The following SPATA6 variants were observed in gnomAD, a reference collection of about 807,000 sequenced individuals.
SPATA6 encodes the protein spermatogenesis associated 6, also known as spermatogenesis-associated protein 6.
Under a neutral mutation model 65.3 loss-of-function variants are expected in SPATA6, and 56 were observed. The observed-to-expected ratio is 0.86, with a 90% CI of 0.69 to 1.07. The LOEUF (loss-of-function observed/expected upper bound fraction) is 1.07, where lower values mean the gene tolerates loss of function less well. Ranked by LOEUF, SPATA6 falls within the 50% of genes least tolerant of loss-of-function variation. SPATA6 has a pLI of 0.00. For missense variants in SPATA6, 590 were observed against 594.8 expected (o/e 0.99, Z 0.08); for synonymous variants, 199 against 213.2 (o/e 0.93, Z 0.58).
At chr1:48,346,131 C>T (rs932178222) in intron 11 of SPATA6, among the ~76,000 whole-genome samples, 1 of 152,086 alleles carries the variant, frequency 6.6e-6, no homozygotes, top group Non-Finnish European at 1.5e-5. Flanking sequence ...GCTTAGCCGC[C>T]ACATTCAAGT....
chr1:48,360,254 AT>A (rs1379075813), intron 9 of SPATA6, among the ~76,000 whole-genome samples: 1 of 151,832 alleles, frequency 6.6e-6, no homozygotes, highest in East Asian at 1.9e-4. Context: ...CTGGTAAAAT[AT>A]ATATTCTAAT....
At chr1:48,389,173 TA>T (rs1236768919) in intron 8 of SPATA6, among the ~76,000 whole-genome samples, 1 of 152,004 alleles carries the variant, frequency 6.6e-6, no homozygotes, top group East Asian at 1.9e-4. Flanking sequence ...GCATCAACAA[TA>T]GACTAAACCA....
chr1:48,286,375 A>G, the SPATA6 span, among the ~76,000 whole-genome samples: 3 of 152,238 alleles, frequency 2.0e-5, no homozygotes, highest in South Asian at 2.1e-4. Context: ...CAGCATTAAA[A>G]TCTTTCATCT....
chr1:48,262,956 G>T, the SPATA6 span: 1 of 151,940 alleles, frequency 6.6e-6, no homozygotes, highest in Non-Finnish European at 1.5e-5. Flanking sequence ...CTAAATAATG[G>T]TGACCATTAT....
intron 1 of SPATA6, among the ~76,000 whole-genome samples, chr1:48,467,863 C>T (rs553977104): frequency 5.3e-5 from 8 of 151,980 alleles, no homozygotes; most frequent in Admixed American, 2.6e-4. Flanking sequence ...CATGTTAGAA[C>T]GACTACTATA....
intron 1 of SPATA6, 128 bp from the exon 2 acceptor site, chr1:48,453,259 AAG>A (rs940732666): frequency 2.1e-5 from 22 of 1,046,238 alleles, no homozygotes; most frequent in African/African-American, 1.5e-4. Context: ...CTCACAAATA[AAG>A]AGAGAGAGAC....
chr1:48,394,408 A>G (rs1355418436), intron 8 of SPATA6, among the ~76,000 whole-genome samples: 1 of 152,120 alleles, frequency 6.6e-6, no homozygotes, highest in East Asian at 1.9e-4. Context: ...CCATGTCCAT[A>G]AACTTCTTCC....
intron 11 of SPATA6, among the ~76,000 whole-genome samples, chr1:48,327,842 G>T (rs543545302): frequency 6.6e-6 from 1 of 152,230 alleles, no homozygotes; most frequent in South Asian, 2.1e-4. Context: ...GCAAATATGG[G>T]TTGAAACATT....
At chr1:48,283,809 G>A in the SPATA6 span, among the ~76,000 whole-genome samples, 2 of 152,048 alleles carry the variant, frequency 1.3e-5, no homozygotes, top group Admixed American at 1.3e-4. Context: ...CTGTTATTCT[G>A]ATGGGCTTCC....
At chr1:48,300,986 C>A (rs1644923729) in intron 12 of SPATA6, among the ~76,000 whole-genome samples, 1 of 151,878 alleles carries the variant, frequency 6.6e-6, no homozygotes, top group African/African-American at 2.4e-5. Flanking sequence ...TGAAACAGGA[C>A]AAAGATGCCC....
At chr1:48,365,082 C>A (rs1470180620) in intron 9 of SPATA6, among the ~76,000 whole-genome samples, 1 of 152,184 alleles carries the variant, frequency 6.6e-6, no homozygotes, top group Non-Finnish European at 1.5e-5. Flanking sequence ...TTGTTTTTCT[C>A]AGGTTTGTCA....
At chr1:48,307,446 C>T (rs1211679363) in intron 11 of SPATA6, among the ~76,000 whole-genome samples, 1 of 149,144 alleles carries the variant, frequency 6.7e-6, no homozygotes, top group Non-Finnish European at 1.5e-5. Flanking sequence ...TATACAAGGA[C>T]CCATCTTTTG....
chr1:48,375,952 T>A (rs968631735), intron 9 of SPATA6, among the ~76,000 whole-genome samples: 3 of 152,194 alleles, frequency 2.0e-5, no homozygotes, highest in Non-Finnish European at 4.4e-5. Flanking sequence ...CTAATTGCTA[T>A]GACAAAATTT....
At chr1:48,378,548 T>C (rs946212471) in intron 9 of SPATA6, among the ~76,000 whole-genome samples, 2 of 152,160 alleles carry the variant, frequency 1.3e-5, no homozygotes, top group Admixed American at 1.3e-4. Context: ...CTCAGAATCA[T>C]GGTGGGAGGT....
chr1:48,384,511 GTTC>G (rs1468186321), intron 9 of SPATA6, among the ~76,000 whole-genome samples: 10 of 151,736 alleles, frequency 6.6e-5, no homozygotes, highest in African/African-American at 2.4e-4. Context: ...CTATGAGACA[GTTC>G]TTCTCAAAAT....
At chr1:48,261,932 C>A in the SPATA6 span, among the ~76,000 whole-genome samples, 1 of 152,144 alleles carries the variant, frequency 6.6e-6, no homozygotes, top group Non-Finnish European at 1.5e-5. Flanking sequence ...TCTAACTTAC[C>A]AGAGTACTAT....
In SPATA6 at chr1:48,411,548, A is replaced by T; in HGVS notation, c.321T>A (p.Asp107Glu). ...TTTGGTTTGGACCCGGAAACATGAAATCTCGTGTATTTTCGTCATACGTAG... is the reference window on the plus strand; with the variant it reads ...TTTGGTTTGGACCCGGAAACATGAATTCTCGTGTATTTTCGTCATACGTAG... ...TLSTYDENTR[D>E]FMFPGPNQMS... Residue 107 changes from aspartate to glutamate, a missense_variant, in exon 5 of 13, where the codon GAT (aspartate) becomes GAA (glutamate). Physicochemically the swap from Asp to Glu is conservative, Grantham distance 45 (BLOSUM62 2). Transcript: ENST00000371847. 1 of 1,610,144 alleles carries T rather than the reference A, an allele frequency of 6.2e-7. No individual in the cohort carries two copies. Among genetic ancestry groups the T allele is most frequent in the East Asian group, 2.2e-5 (1 of 44,728 alleles).
chr1:48,381,773 A>G (rs1170157056), intron 9 of SPATA6, among the ~76,000 whole-genome samples: 1 of 147,378 alleles, frequency 6.8e-6, no homozygotes, highest in Non-Finnish European at 1.5e-5. Context: ...GTCATAGGAC[A>G]ATAGTGGAGG....
chr1:48,436,689 T>G, intron 3 of SPATA6: 5 of 1,614,142 alleles, frequency 3.1e-6, no homozygotes, highest in Non-Finnish European at 4.2e-6. Context: ...TGAGACAGGA[T>G]TTACATGGGT....
Sources: allele counts gnomAD v4.1 joint callset (sites outside exome capture counted in the v4.1 genomes callset), GRCh38; gene constraint gnomAD v4.1.1; transcripts MANE v1.5; gene names NCBI Gene and HGNC (gene_info 2026-07-23, HGNC 2026-07-21).